CTNNA2: variants seen among roughly 807,000 people sequenced by gnomAD.
CTNNA2 encodes catenin alpha 2, also known as catenin alpha-2.
Under a neutral mutation model 101.0 loss-of-function variants are expected in CTNNA2, and 42 were observed. That is an observed-to-expected ratio of 0.42 (90% confidence interval 0.32 to 0.54). CTNNA2 has a LOEUF of 0.54. Among genes scored for constraint, CTNNA2 ranks in the 20% least tolerant of loss-of-function variants. The probability of loss-of-function intolerance (pLI) is 0.14; values close to 1 mark genes in which losing one functional copy is unlikely to be tolerated. For synonymous variants in CTNNA2, 450 were observed against 456.4 expected (o/e 0.99, Z 0.18); for missense variants, 871 against 1,223.1 (o/e 0.71, Z 4.29).
chr2:80,216,452 A>G (rs1708274226), intron 7 of CTNNA2, among the ~76,000 whole-genome samples: 1 of 152,254 alleles, frequency 6.6e-6, no homozygotes, highest in African/African-American at 2.4e-5. Flanking sequence ...GTGTCCAACA[A>G]AATTCATATG....
At chr2:79,911,352 G>A (rs1685783272) in intron 7 of CTNNA2, among the ~76,000 whole-genome samples, 1 of 152,232 alleles carries the variant, frequency 6.6e-6, no homozygotes, top group African/African-American at 2.4e-5. Flanking sequence ...TACTGCCAAA[G>A]AAGGAAGTAG....
chr2:80,359,700 A>G (rs898873513), intron 7 of CTNNA2, among the ~76,000 whole-genome samples: 3 of 152,162 alleles, frequency 2.0e-5, no homozygotes, highest in African/African-American at 4.8e-5. Context: ...CCATGAGCCC[A>G]TTAAACCTCT....
chr2:80,238,050 A>C (rs1009711399), intron 7 of CTNNA2, among the ~76,000 whole-genome samples: 1 of 151,942 alleles, frequency 6.6e-6, no homozygotes, highest in African/African-American at 2.4e-5. Context: ...TCCAAGGACA[A>C]GCTTTAAGGA....
intron 7 of CTNNA2, among the ~76,000 whole-genome samples, chr2:80,281,949 T>C (rs1674416457): frequency 6.6e-6 from 1 of 152,098 alleles, no homozygotes; most frequent in South Asian, 2.1e-4. Context: ...GAAAGTTTTT[T>C]TTTTTTAATT....
At chr2:80,133,034 C>T (rs1053223531) in intron 7 of CTNNA2, among the ~76,000 whole-genome samples, 2 of 152,126 alleles carry the variant, frequency 1.3e-5, no homozygotes, top group African/African-American at 4.8e-5. Context: ...CAGGTTTAAT[C>T]AAGTTAAGAT....
intron 7 of CTNNA2, among the ~76,000 whole-genome samples, chr2:79,920,941 G>A (rs111873625): frequency 0.02 from 3,095 of 152,308 alleles, 100 homozygotes; most frequent in African/African-American, 0.069. Flanking sequence ...ATGTGTCTGA[G>A]GGCTTGGAGG....
At chr2:80,645,806 G>A (rs1163290807) in intron 18 of CTNNA2, among the ~76,000 whole-genome samples, 1 of 152,030 alleles carries the variant, frequency 6.6e-6, no homozygotes, top group Non-Finnish European at 1.5e-5. Flanking sequence ...TTTGGTATAC[G>A]TGCATTTTGT....
At chr2:79,782,689 T>C (rs1345424671) in intron 3 of CTNNA2, among the ~76,000 whole-genome samples, 1 of 152,184 alleles carries the variant, frequency 6.6e-6, no homozygotes, top group African/African-American at 2.4e-5. Flanking sequence ...ACTTAATTGT[T>C]CGGTCTCTAC....
At chr2:80,209,189 C>CT (rs112562965) in intron 7 of CTNNA2, among the ~76,000 whole-genome samples, 87 of 143,062 alleles carry the variant, frequency 6.1e-4, no homozygotes, top group Middle Eastern at 3.6e-3. Flanking sequence ...TATGTTTATT[C>CT]TTTTTTTTTT....
intron 7 of CTNNA2, among the ~76,000 whole-genome samples, chr2:80,269,063 A>G (rs995266711): frequency 2.0e-4 from 31 of 152,360 alleles, no homozygotes; most frequent in African/African-American, 6.5e-4. Context: ...ACCATAACAT[A>G]AAGTCAAGGC....
At chr2:80,248,094 G>C (rs531975957) in intron 7 of CTNNA2, among the ~76,000 whole-genome samples, 2 of 150,544 alleles carry the variant, frequency 1.3e-5, no homozygotes, top group East Asian at 3.9e-4. Context: ...GGCTATGCTT[G>C]TGCCCTATCT....
chr2:80,368,371 G>C (rs1276298135), intron 7 of CTNNA2, among the ~76,000 whole-genome samples: 4 of 152,298 alleles, frequency 2.6e-5, no homozygotes. Context: ...GTAATAGGGT[G>C]CATGTAGAGG....
intron 9 of CTNNA2, among the ~76,000 whole-genome samples, chr2:80,474,131 C>T (rs1056973623): frequency 6.6e-6 from 1 of 152,028 alleles, no homozygotes; most frequent in African/African-American, 2.4e-5. Context: ...ATGGTAGAGA[C>T]CTATTTTTAA....
intron 2 of CTNNA2, among the ~76,000 whole-genome samples, chr2:79,248,394 A>G (rs1046519484): frequency 6.6e-6 from 1 of 151,740 alleles, no homozygotes; most frequent in Admixed American, 6.6e-5. Flanking sequence ...TATAATTTCT[A>G]TATATAATAT....
chr2:80,496,472 C>T (rs1241892684), intron 9 of CTNNA2, among the ~76,000 whole-genome samples: 1 of 148,880 alleles, frequency 6.7e-6, no homozygotes, highest in Non-Finnish European at 1.5e-5. Context: ...ATGAGAGGAA[C>T]GTGACTTGGA....
intron 2 of CTNNA2, among the ~76,000 whole-genome samples, chr2:79,211,992 T>G (rs1674180652): frequency 6.6e-6 from 1 of 152,174 alleles, no homozygotes; most frequent in Non-Finnish European, 1.5e-5. Context: ...TCATTTAGAA[T>G]TATTGATGAT....
intron 1 of CTNNA2, among the ~76,000 whole-genome samples, chr2:79,628,811 G>A (rs1369426892): frequency 6.6e-6 from 1 of 152,090 alleles, no homozygotes; most frequent in Non-Finnish European, 1.5e-5. Context: ...CACGATCTGT[G>A]ACTCTTGTCT....
intron 7 of CTNNA2, among the ~76,000 whole-genome samples, chr2:80,293,101 G>A (rs1319550368): frequency 2.0e-5 from 3 of 152,170 alleles, no homozygotes; most frequent in African/African-American, 7.2e-5. Flanking sequence ...CACCATAAAT[G>A]CAATCACTAT....
At chr2:79,931,714 G>A (rs942864551) in intron 7 of CTNNA2, among the ~76,000 whole-genome samples, 5 of 152,030 alleles carry the variant, frequency 3.3e-5, no homozygotes, top group Admixed American at 6.6e-5. Context: ...GGGAAGCCTC[G>A]TTTCACCTTT....
Sources: gnomAD v4.1 joint callset for allele counts (sites outside exome capture counted in the v4.1 genomes callset) on GRCh38, gnomAD v4.1.1 for gene constraint, MANE v1.5 for transcripts, NCBI Gene and HGNC (gene_info 2026-07-23, HGNC 2026-07-21) for gene names.